Variants in SLC14A2 observed in about 807,000 individuals in gnomAD.
SLC14A2 encodes the protein urea transporter 2.
Under a neutral mutation model 104.6 loss-of-function variants are expected in SLC14A2, and 91 were observed. The ratio of observed to expected loss-of-function variants is 0.87; its 90% CI spans 0.73 to 1.04. The LOEUF is 1.04. SLC14A2 is among the 50% of genes least tolerant of loss of function. The pLI is 0.00. For synonymous variants in SLC14A2, 476 were observed against 466.4 expected (o/e 1.02, Z -0.27); for missense variants, 1,189 against 1,156.0 (o/e 1.03, Z -0.41).
At chr18:45,326,500 G>T (rs759656205) in intron 1 of SLC14A2, among the ~76,000 whole-genome samples, 1 of 152,174 alleles carries the variant, frequency 6.6e-6, no homozygotes. Context: ...GAGGAGAGGA[G>T]CAAAAGTGCT....
intron 2 of SLC14A2, among the ~76,000 whole-genome samples, chr18:45,568,111 C>A (rs1395284119): frequency 6.6e-6 from 1 of 152,204 alleles, no homozygotes; most frequent in African/African-American, 2.4e-5. Flanking sequence ...GGGCACCAGA[C>A]CCCTCAAAAT....
At chr18:45,462,003 A>G (rs1344398701) in intron 1 of SLC14A2, among the ~76,000 whole-genome samples, 1 of 152,202 alleles carries the variant, frequency 6.6e-6, no homozygotes, top group Non-Finnish European at 1.5e-5. Flanking sequence ...AACAAACTGC[A>G]CAGTTTTCCT....
intron 1 of SLC14A2, among the ~76,000 whole-genome samples, chr18:45,274,026 C>A (rs867504026): frequency 6.6e-6 from 1 of 152,140 alleles, no homozygotes; most frequent in Non-Finnish European, 1.5e-5. Context: ...AAATGCAATA[C>A]AATGCACACT....
chr18:45,363,695 T>A (rs1415814423), intron 1 of SLC14A2, among the ~76,000 whole-genome samples: 1 of 152,218 alleles, frequency 6.6e-6, no homozygotes, highest in Admixed American at 6.5e-5. Context: ...TATTCCTGAA[T>A]GACATGGATT....
intron 1 of SLC14A2, among the ~76,000 whole-genome samples, chr18:45,456,514 C>T (rs1385238962): frequency 2.0e-5 from 3 of 152,218 alleles, no homozygotes; most frequent in African/African-American, 7.2e-5. Flanking sequence ...ATGTCTGCAC[C>T]TCCCATCTGC....
intron 2 of SLC14A2, among the ~76,000 whole-genome samples, chr18:45,504,193 A>C (rs1372074914): frequency 2.0e-5 from 3 of 152,302 alleles, no homozygotes; most frequent in Middle Eastern, 3.4e-3. Flanking sequence ...GATTCTATCT[A>C]GATTCCGGCA....
chr18:45,243,501 T>TA (rs1285604862), intron 1 of SLC14A2, among the ~76,000 whole-genome samples: 3 of 152,128 alleles, frequency 2.0e-5, no homozygotes, highest in African/African-American at 7.2e-5. Context: ...CACAAGGACT[T>TA]AAAATGGGGA....
At chr18:45,214,945 TAAAAG>T (rs957310217) in intron 1 of SLC14A2, among the ~76,000 whole-genome samples, 13 of 124,892 alleles carry the variant, frequency 1.0e-4, no homozygotes, top group African/African-American at 3.3e-4. Flanking sequence ...AGAAAAGAAA[TAAAAG>T]AAAAAAAAGA....
intron 1 of SLC14A2, among the ~76,000 whole-genome samples, chr18:45,324,432 A>G (rs2085214691): frequency 6.6e-6 from 1 of 152,122 alleles, no homozygotes; most frequent in South Asian, 2.1e-4. Flanking sequence ...AAGGACTCTA[A>G]AAGCAAAGAA....
At chr18:45,450,778 C>T (rs994565296) in intron 1 of SLC14A2, among the ~76,000 whole-genome samples, 13 of 152,110 alleles carry the variant, frequency 8.5e-5, no homozygotes, top group Non-Finnish European at 1.6e-4. Context: ...CAGAAGCTGA[C>T]CCTGAAGATA....
chr18:45,313,897 G>A (rs569887931), intron 1 of SLC14A2, among the ~76,000 whole-genome samples: 1 of 152,230 alleles, frequency 6.6e-6, no homozygotes, highest in South Asian at 2.1e-4. Context: ...CATCCCTCCT[G>A]TTTTTATTGT....
At chr18:45,444,818 T>C (rs1194736274) in intron 1 of SLC14A2, among the ~76,000 whole-genome samples, 4 of 152,184 alleles carry the variant, frequency 2.6e-5, no homozygotes, top group African/African-American at 7.2e-5. Context: ...TCAGGGAGCC[T>C]ATGAGAGGTG....
In SLC14A2 at chr18:45,669,592, A is replaced by C. The variant is rs1307301413; in HGVS notation, c.2229+94A>C. 1.4e-5 allele frequency: 14 copies of C among 978,890 alleles called. No homozygotes were observed. The South Asian group carries it at 1.6e-4, about 11-fold the overall frequency. 60.6% of individuals were successfully genotyped at this position (978,890 alleles called of 1,614,324 possible). On this transcript the variant is annotated intron_variant, in intron 16 of 19. Transcript: ENST00000255226. ...CACATCAGAAACATCCACAAGTAAT[A>C]ATTTTTAACAATTACACAGTACCAA...
chr18:45,188,552 C>G, the SLC14A2 span, among the ~76,000 whole-genome samples: 42 of 152,278 alleles, frequency 2.8e-4, 1 homozygote, highest in South Asian at 7.9e-3. Context: ...GCTCTAGGTG[C>G]TGCTTAACAA....
chr18:45,338,829 A>C (rs2085364284), intron 1 of SLC14A2, among the ~76,000 whole-genome samples: 2 of 152,052 alleles, frequency 1.3e-5, no homozygotes, highest in African/African-American at 4.8e-5. Context: ...CTTGTGGCAC[A>C]GTTCTGGTGA....
chr18:45,271,092 A>G (rs1372878603), intron 1 of SLC14A2, among the ~76,000 whole-genome samples: 1 of 152,188 alleles, frequency 6.6e-6, no homozygotes, highest in African/African-American at 2.4e-5. Flanking sequence ...TGAAGCTTAG[A>G]TGGTGGATCC....
chr18:45,233,008 C>T (rs1261190326), intron 1 of SLC14A2, among the ~76,000 whole-genome samples: 1 of 152,220 alleles, frequency 6.6e-6, no homozygotes, highest in African/African-American at 2.4e-5. Flanking sequence ...ATTTTTACCA[C>T]TTGAATCTCA....
chr18:45,547,877 T>TC (rs1280450167), intron 2 of SLC14A2, among the ~76,000 whole-genome samples: 1 of 152,090 alleles, frequency 6.6e-6, no homozygotes, highest in Non-Finnish European at 1.5e-5. Context: ...AATGAGAAAG[T>TC]CTATGAGGGC....
chr18:45,338,682 C>CAAAA (rs59474827), intron 1 of SLC14A2, among the ~76,000 whole-genome samples: 535 of 51,788 alleles, frequency 0.01, 98 homozygotes, highest in African/African-American at 0.032. Context: ...CACTGGCTCA[C>CAAAA]AAAAAAAAAA....
Sources: allele counts gnomAD v4.1 joint callset (sites outside exome capture counted in the v4.1 genomes callset), GRCh38; gene constraint gnomAD v4.1.1; transcripts MANE v1.5; gene names NCBI Gene and HGNC (gene_info 2026-07-23, HGNC 2026-07-21).